MAPK7: variants seen among roughly 807,000 people sequenced by gnomAD.
MAPK7 encodes the protein mitogen-activated protein kinase 7, also known as BMK-1.
A neutral mutation model predicts 56.9 loss-of-function variants in MAPK7; 30 were observed. The ratio of observed to expected loss-of-function variants is 0.53; its 90% CI spans 0.39 to 0.72. MAPK7 has a LOEUF of 0.72. MAPK7 is among the 30% of genes least tolerant of loss of function. The pLI is 0.00. For synonymous variants in MAPK7, 516 were observed against 449.3 expected (o/e 1.15, Z -1.88); for missense variants, 952 against 1,110.8 (o/e 0.86, Z 2.03).
At chr17:19,383,009 CAT>C in intron 6 of MAPK7, 63 bp downstream of exon 6, 4 of 1,612,332 alleles carry the variant, frequency 2.5e-6, no homozygotes, top group Non-Finnish European at 3.4e-6. Flanking sequence ...GTGCAGGAGA[CAT>C]GCACCTGTGG....
intron 2 of MAPK7, 58 bp downstream of exon 2, chr17:19,379,190 C>T (rs951314422): frequency 9.4e-6 from 14 of 1,486,142 alleles, no homozygotes; most frequent in Non-Finnish European, 1.3e-5. Context: ...AGTGGGAAAC[C>T]GGCCTGTCCC....
At position 19,381,290 on chromosome 17, in the gene MAPK7, C is replaced by T. The variant is rs750159595; in HGVS notation, c.1081C>T (p.Pro361Ser). 6 of 1,614,084 alleles carry T rather than the reference C, an allele frequency of 3.7e-6. No individual in the cohort carries two copies. The South Asian group carries it at 6.6e-5, about 18-fold the overall frequency. Residue 361 changes from proline to serine, a missense_variant, in exon 4 of 7, where the codon CCG becomes TCG. Transcript: ENST00000395604. The surrounding 1 kb of genome is among the most constrained non-coding windows in gnomAD (Gnocchi z 4.6). Reference sequence around the variant, plus strand: ...TCCTGATGATGAGCCTGACTGTGCCCCGCCCTTTGACTTTGCCTTTGACCG... The same window carrying T: ...TCCTGATGATGAGCCTGACTGTGCCTCGCCCTTTGACTTTGCCTTTGACCG... ...HDPDDEPDCA[P>S]PFDFAFDREA...
At chr17:19,380,135 A>G (rs1912523688) in intron 3 of MAPK7, 188 bp downstream of exon 3, 3 of 644,654 alleles carry the variant, frequency 4.7e-6, no homozygotes, top group African/African-American at 1.8e-5. Flanking sequence ...TGTACAGATG[A>G]TTTTACAGTT....
Position 19,381,769 on chromosome 17 carries a change from A to C in MAPK7, c.1478-12A>C. 2 of 1,537,428 alleles carry C rather than the reference A, an allele frequency of 1.3e-6. No individual in the cohort carries two copies. Among genetic ancestry groups the C allele is most frequent in the Non-Finnish European group, 1.7e-6 (2 of 1,145,284 alleles). ...AGGCTTTTACCTTCTCCCCTGCCCA[A>C]CTTCCCCGCAGATGGCCCCAGCGCA... On this transcript the variant is annotated splice_polypyrimidine_tract_variant and intron_variant, in intron 4 of 6. Coordinates refer to ENST00000395604, the MANE Select transcript of MAPK7 (RefSeq NM_002749.4). The surrounding 1 kb of genome is among the most constrained non-coding windows in gnomAD (Gnocchi z 4.6).
intron 5 of MAPK7, 152 bp downstream of exon 5, chr17:19,382,618 T>C: frequency 6.8e-7 from 1 of 1,469,048 alleles, no homozygotes; most frequent in South Asian, 1.4e-5. Context: ...ATAATGGCAA[T>C]GAAGAGGTTG....
Position 19,380,652 on chromosome 17 carries a change from T to C in MAPK7, c.443T>C (p.Ile148Thr). Residue 148 changes from isoleucine to threonine, a missense_variant, in exon 4 of 7, where the codon ATC becomes ACC. Physicochemically the swap from Ile to Thr is moderately conservative, Grantham distance 89. Around this residue, in one of 5 missense-constraint regions of MAPK7, gnomAD observed 213 missense variants for 243.2 expected, o/e 0.88. Transcript: ENST00000395604. ...DLMESDLHQI[I>T]HSSQPLTLEH... ...ATGGAAAGCGACCTGCACCAGATCA[T>C]CCACTCCTCACAGCCCCTCACACTG... 1 of 1,612,206 alleles carries C rather than the reference T, an allele frequency of 6.2e-7. No individual in the cohort carries two copies. The highest frequency in any genetic ancestry group is 8.5e-7 in the Non-Finnish European group (1 of 1,178,498).
rs1035973682 is a variant in MAPK7, at chr17:19,383,428, C to T, written c.*197C>T. The T allele has an allele frequency of 3.8e-6, 2 of 530,416 alleles. No individual in the cohort carries two copies. The highest frequency in any genetic ancestry group is 3.5e-5 in the Admixed American group (1 of 28,928). 32.9% of individuals were successfully genotyped at this position (530,416 alleles called of 1,614,324 possible). A position where few individuals can be genotyped will look rare whatever the true frequency, so the allele number is the denominator to read the frequency against. On this transcript the variant is annotated 3_prime_UTR_variant, in exon 7 of 7. Transcript: ENST00000395604. ...CCATGGCAGGATCGGGAGACCCCAA[C>T]TCCCCCTGAACAATCCTTTTCAGTA...
Position 19,381,648 on chromosome 17 carries a change from A to G in MAPK7, c.1439A>G (p.Lys480Arg), listed in dbSNP as rs1567921617. The change falls in exon 4 of 7, where the codon AAA (lysine) becomes AGA (arginine). Residue 480 changes from lysine (K) to arginine (R), a missense_variant. This residue lies in a region of MAPK7 where 429 missense variants were observed against 533.0 expected (regional missense o/e 0.80). Transcript: ENST00000395604. The surrounding 1 kb of genome is among the most constrained non-coding windows in gnomAD (Gnocchi z 4.6). ...TCAGACAATACTAAGGCTGCCCTTA[A>G]AGCTGCCCTGCTCAAGTCTTTGAGG... ...AISDNTKAAL[K>R]AALLKSLRSR... 1 of 1,609,328 alleles carries G rather than the reference A, an allele frequency of 6.2e-7. No homozygotes were observed. The highest frequency in any genetic ancestry group is 8.5e-7 in the Non-Finnish European group (1 of 1,177,598).
chr17:19,380,193 A>G (rs543318295), intron 3 of MAPK7: 36 of 556,478 alleles, frequency 6.5e-5, no homozygotes, highest in Non-Finnish European at 3.5e-5. Context: ...CATTCCTACT[A>G]TGACCACACC....
upstream of MAPK7, chr17:19,378,235 A>G (rs375178509): frequency 1.3e-4 from 132 of 985,730 alleles, no homozygotes; most frequent in African/African-American, 1.9e-3. This position sits in a 1 kb window ranked among gnomAD's most constrained non-coding sequence, Gnocchi z 5.4. Flanking sequence ...CCTTCCATTC[A>G]CTTGGCGCCC....
rs757695720 is a variant in MAPK7, at chr17:19,378,959, C to T, written c.59C>T (p.Pro20Leu). The T allele has an allele frequency of 1.2e-6, 2 of 1,602,784 alleles. No homozygotes were observed. The highest frequency in any genetic ancestry group is 1.7e-6 in the Non-Finnish European group (2 of 1,174,740). ...GEDGSAEPPG[P>L]VKAEPAHTAA... ...GACGGCTCTGCGGAGCCCCCCGGGC[C>T]CGTGAAGGCCGAACCCGCCCACACC... The change falls in exon 2 of 7, where the codon CCC (proline) becomes CTC (leucine). Residue 20 changes from proline to leucine, a missense_variant. Around this residue, in one of 5 missense-constraint regions of MAPK7, gnomAD observed 213 missense variants for 243.2 expected, o/e 0.88. Coordinates refer to ENST00000395604, the MANE Select transcript of MAPK7 (RefSeq NM_002749.4). This position sits in a 1 kb window ranked among gnomAD's most constrained non-coding sequence, Gnocchi z 5.4.
chr17:19,378,009 C>T (rs1415715045), upstream of MAPK7: 27 of 985,206 alleles, frequency 2.7e-5, no homozygotes, highest in Non-Finnish European at 2.8e-5. The surrounding 1 kb of genome is among the most constrained non-coding windows in gnomAD (Gnocchi z 5.4). Context: ...GCACCCTCTA[C>T]CGGGGATGAC....
At position 19,380,590 on chromosome 17, in the gene MAPK7, C is replaced by G. The variant is rs745681102; in HGVS notation, c.399-18C>G. The G allele has an allele frequency of 1.0e-5, 16 of 1,575,892 alleles. No homozygotes were observed. Among genetic ancestry groups the G allele is most frequent in the African/African-American group, 1.3e-5 (1 of 74,556 alleles). ...TGATCAGGCCAACCCATGCTTCTCT[C>G]CTTCCTTCCCCTTCCAGCTACGTGG... On this transcript the variant is annotated intron_variant, in intron 3 of 6. Transcript: ENST00000395604.
At position 19,382,544 on chromosome 17, in the gene MAPK7, C is replaced by T. The variant is rs79000905; in HGVS notation, c.2163+78C>T. 7.9e-6 allele frequency: 12 copies of T among 1,511,822 alleles called. No individual in the cohort carries two copies. The African/African-American group carries it at 1.7e-4, about 21-fold the overall frequency. 93.7% of individuals were successfully genotyped at this position (1,511,822 alleles called of 1,614,324 possible). ...TGGGTTCAGGAAGCGGTCAGTGTTC[C>T]ACAAAAACTGAGCAGCAGATGGGGC... On this transcript the variant is annotated intron_variant, in intron 5 of 6. Transcript: ENST00000395604.
In MAPK7 at chr17:19,380,588, C is replaced by T; in HGVS notation, c.399-20C>T. The T allele has an allele frequency of 6.4e-7, 1 of 1,574,400 alleles. No homozygotes were observed. Among genetic ancestry groups the T allele is most frequent in the Non-Finnish European group, 8.7e-7 (1 of 1,156,036 alleles). ...TGTGATCAGGCCAACCCATGCTTCT[C>T]TCCTTCCTTCCCCTTCCAGCTACGT... On this transcript the variant is annotated intron_variant, in intron 3 of 6. Transcript: ENST00000395604.
At chr17:19,378,259 C>T (rs1912268709), upstream of MAPK7, 2 of 985,916 alleles carry the variant, frequency 2.0e-6, no homozygotes, top group South Asian at 4.6e-5. The surrounding 1 kb of genome is among the most constrained non-coding windows in gnomAD (Gnocchi z 5.4). Flanking sequence ...TGCCAGTGCG[C>T]ATGCGTTTGA....
In MAPK7 at chr17:19,381,065, A is replaced by C. The variant is rs575867788; in HGVS notation, c.856A>C (p.Ile286Leu). 1 of 1,614,108 alleles carries C rather than the reference A, an allele frequency of 6.2e-7. No individual in the cohort carries two copies. ...GCTGGGTACCCCATCACCAGCCGTG[A>C]TTCAGGCTGTGGGGGCTGAGAGGGT... ...MVLGTPSPAV[I>L]QAVGAERVRA... Residue 286 changes from isoleucine to leucine, a missense_variant, in exon 4 of 7, where the codon ATT (isoleucine) becomes CTT (leucine). Around this residue, in one of 5 missense-constraint regions of MAPK7, gnomAD observed 429 missense variants for 533.0 expected, o/e 0.80. Transcript: ENST00000395604. This position sits in a 1 kb window ranked among gnomAD's most constrained non-coding sequence, Gnocchi z 4.6.
At chr17:19,378,436 C>T, upstream of MAPK7, 1 of 1,012,024 alleles carries the variant, frequency 9.9e-7, no homozygotes, top group Non-Finnish European at 1.2e-6. This position sits in a 1 kb window ranked among gnomAD's most constrained non-coding sequence, Gnocchi z 5.4. Context: ...AGCAGTAGCT[C>T]AGCGATTGGC....
At chr17:19,378,469 C>G, upstream of MAPK7, 2 of 1,032,288 alleles carry the variant, frequency 1.9e-6, no homozygotes, top group Non-Finnish European at 2.3e-6. This position sits in a 1 kb window ranked among gnomAD's most constrained non-coding sequence, Gnocchi z 5.4. Context: ...GGAGCGTGGC[C>G]TTGGGAGGCG....
Sources: allele counts gnomAD v4.1 joint callset, GRCh38; gene constraint gnomAD v4.1.1; regional missense constraint gnomAD v4.1.1; non-coding constraint Gnocchi (gnomAD v3.1); transcripts MANE v1.5; gene names NCBI Gene and HGNC (gene_info 2026-07-23, HGNC 2026-07-21).